Variants in DPEP2 observed in about 807,000 individuals in gnomAD.
The protein encoded by DPEP2 is dipeptidase 2.
In DPEP2, 45 loss-of-function variants were observed where a neutral mutation model predicts 51.8. The ratio of observed to expected loss-of-function variants is 0.87; its 90% CI spans 0.68 to 1.11. The LOEUF is 1.11. Among genes scored for constraint, DPEP2 ranks in the 50% most tolerant of loss-of-function variants. The probability of loss-of-function intolerance (pLI) is 0.00; values close to 1 mark genes in which losing one functional copy is unlikely to be tolerated. For synonymous variants in DPEP2, 255 were observed against 262.7 expected, an observed-to-expected ratio of 0.97 and a Z score of 0.28; for missense variants, 604 against 631.9, an observed-to-expected ratio of 0.96 and a Z score of 0.47.
chr16:67,987,556 G>A lies in DPEP2; in HGVS notation c.1411C>T (p.Pro471Ser). The A allele has an allele frequency of 6.2e-7, 1 of 1,614,200 alleles. No homozygotes were observed. The highest frequency in any genetic ancestry group is 8.5e-7 in the Non-Finnish European group (1 of 1,180,042). Residue 471 changes from proline to serine, a missense_variant, in exon 11 of 11, where the codon CCA (proline) becomes TCA (serine). Transcript: ENST00000393847. ...AAGGTGGCCACAACTGCAAGGACTGGGGCCATGTGGGGGGAGGACTCTGAG... is the reference window on the plus strand; with the variant it reads ...AAGGTGGCCACAACTGCAAGGACTGAGGCCATGTGGGGGGAGGACTCTGAG... ...SVSESSPHMA[P>S]VLAVVATFPV...
At position 67,993,245 on chromosome 16, in the gene DPEP2, GCAGT is replaced by G. The variant is rs1210741320; in HGVS notation, c.-37_-34del. ...AGGGCCGGGCAGGCAGGCAGGGGTG[GCAGT>G]CAGAGAGCCTGAGAGGGGCGGGCGA... On this transcript the variant is annotated 5_prime_UTR_variant, in exon 2 of 11. An upstream open reading frame in the 5' UTR loses its in-frame stop. Transcript: ENST00000393847. The G allele has an allele frequency of 4.2e-6, 6 of 1,411,768 alleles. No individual in the cohort carries two copies. The highest frequency in any genetic ancestry group is 1.5e-5 in the South Asian group (1 of 64,772). 87.5% of individuals were successfully genotyped at this position (1,411,768 alleles called of 1,614,324 possible). A position where few individuals can be genotyped will look rare whatever the true frequency, so the allele number is the denominator to read the frequency against.
intron 2 of DPEP2, 22 bp downstream of exon 2, chr16:67,992,928 C>A (rs372879356): frequency 1.0e-4 from 166 of 1,598,968 alleles, no homozygotes; most frequent in Non-Finnish European, 1.4e-4. Context: ...GCTCCCATCG[C>A]CCCCTTGCAG....
Position 67,992,492 on chromosome 16 carries a change from C to A in DPEP2, c.390+18G>T. 6.2e-7 allele frequency: 1 copy of A among 1,601,970 alleles called. No homozygotes were observed. The highest frequency in any genetic ancestry group is 1.1e-5 in the South Asian group (1 of 90,152). ...CCCCAGCAGCCATGCTGTGGCACCTCGTGTATCCCTGTGGTACCTGGGCGC... is the reference window on the plus strand; with the variant it reads ...CCCCAGCAGCCATGCTGTGGCACCTAGTGTATCCCTGTGGTACCTGGGCGC... On this transcript the variant is annotated intron_variant, in intron 3 of 10. Transcript: ENST00000393847.
intron 1 of DPEP2, among the ~76,000 whole-genome samples, chr16:67,998,999 G>T (rs1037108975): frequency 2.6e-5 from 4 of 152,154 alleles, no homozygotes; most frequent in Non-Finnish European, 5.9e-5. Context: ...GCAGGATGTG[G>T]GTGGGGCCAG....
rs763983825 is a variant in DPEP2, at chr16:67,990,078, G to T, written c.963C>A (p.Cys321Ter). ...MVSLSMGVIQCNPSANVSTVA... is the reference protein window; with the variant it reads ...MVSLSMGVIQ ...CAGTGGACACATTGGCTGATGGGTT[G>T]CACTGTATTACTCCCATGGACAAAG... is the stretch of plus-strand genomic sequence containing the variant. Residue 321 changes from cysteine (C) to a stop codon, truncating the protein, a stop_gained, in exon 8 of 11, where the codon TGC (cysteine) becomes TGA (stop). Coordinates refer to ENST00000393847, the MANE Select transcript of DPEP2 (RefSeq NM_022355.4). LOFTEE classifies it high-confidence loss of function. The T allele has an allele frequency of 6.2e-7, 1 of 1,614,088 alleles. No homozygotes were observed. The highest frequency in any genetic ancestry group is 1.3e-5 in the African/African-American group (1 of 74,934).
rs1003206502 is a variant in DPEP2, at chr16:67,987,906, C to T, written c.1152G>A (p.Glu384=). ...GGTTTCCACGAAGGACACCCTGAAG[C>T]TCTTCCTCACTCCAGCCACGACTCA... ...ELLSRGWSEE[E]LQGVLRGNLL... The change falls in exon 10 of 11, where the codon GAG becomes GAA. Residue 384 remains glutamate, a synonymous_variant. Transcript: ENST00000393847. 1.2e-6 allele frequency: 2 copies of T among 1,614,212 alleles called. No homozygotes were observed. The highest frequency in any genetic ancestry group is 1.7e-6 in the Non-Finnish European group (2 of 1,180,036).
intron 1 of DPEP2, among the ~76,000 whole-genome samples, chr16:67,996,172 G>A (rs941422534): frequency 6.6e-6 from 1 of 151,182 alleles, no homozygotes; most frequent in African/African-American, 2.4e-5. Flanking sequence ...CCGAGTCTGG[G>A]ACTACAGGTA....
intron 7 of DPEP2, 61 bp downstream of exon 7, chr16:67,990,760 G>C: frequency 2.6e-6 from 4 of 1,555,888 alleles, no homozygotes; most frequent in Non-Finnish European, 3.5e-6. Flanking sequence ...CACCATGCCT[G>C]GCCGAAGGGC....
In DPEP2 at chr16:67,990,089, C is replaced by T. The variant is rs201800946; in HGVS notation, c.952G>A (p.Val318Ile). Reference protein sequence around the residue: ...GVVMVSLSMGVIQCNPSANVS... With the variant: ...GVVMVSLSMGIIQCNPSANVS... ...TTGGCTGATGGGTTGCACTGTATTA[C>T]TCCCATGGACAAAGACACCATCACG... is the stretch of plus-strand genomic sequence containing the variant. Residue 318 changes from valine to isoleucine, a missense_variant, in exon 8 of 11, where the codon GTA becomes ATA. Coordinates refer to ENST00000393847, the MANE Select transcript of DPEP2 (RefSeq NM_022355.4). The T allele has an allele frequency of 1.9e-6, 3 of 1,614,198 alleles. No individual in the cohort carries two copies. In the African/African-American group the frequency reaches 4.0e-5, roughly 22 times the overall value.
At chr16:67,997,115 C>T (rs1422090453) in intron 1 of DPEP2, among the ~76,000 whole-genome samples, 1 of 150,844 alleles carries the variant, frequency 6.6e-6, no homozygotes, top group Non-Finnish European at 1.5e-5. Flanking sequence ...TCACTGCAAT[C>T]TCTGCCTCCT....
chr16:67,987,565 G>C lies in DPEP2; in HGVS notation c.1402C>G (p.His468Asp), dbSNP rs1133090. The C allele has an allele frequency of 0.047, 75,563 of 1,614,076 alleles. 2,400 individuals carry two copies. The highest frequency in any genetic ancestry group is 0.15 in the African/African-American group (10,976 of 74,978). Residue 468 changes from histidine (H) to aspartate (D), a missense_variant, in exon 11 of 11, where the codon CAC becomes GAC. Transcript: ENST00000393847. ...AKWSVSESSP[H>D]MAPVLAVVAT... ...ACAACTGCAAGGACTGGGGCCATGT[G>C]GGGGGAGGACTCTGAGACTGACCAC...
Position 67,993,173 on chromosome 16 carries a change from G to T in DPEP2, c.40C>A (p.Arg14=). 1 of 1,502,102 alleles carries T rather than the reference G, an allele frequency of 6.7e-7. No individual in the cohort carries two copies. The highest frequency in any genetic ancestry group is 1.3e-5 in the South Asian group (1 of 76,940). 93.0% of individuals were successfully genotyped at this position (1,502,102 alleles called of 1,614,324 possible). A position where few individuals can be genotyped will look rare whatever the true frequency, so the allele number is the denominator to read the frequency against. Residue 14 remains arginine (R), a synonymous_variant, in exon 2 of 11, where the codon CGG becomes AGG. Coordinates refer to ENST00000393847, the MANE Select transcript of DPEP2 (RefSeq NM_022355.4). ...AGCAGCAGACTCAGCAGAGGCCACC[G>T]ACCAAACGTGCCGGGACCCTCGAGG... ...SGLEGPGTFG[R]WPLLSLLLLL...
chr16:67,988,648 G>C (rs535826795), intron 9 of DPEP2, among the ~76,000 whole-genome samples: 1 of 151,132 alleles, frequency 6.6e-6, no homozygotes, highest in Admixed American at 6.6e-5. Flanking sequence ...GGCCCAGTGA[G>C]GTGGCTTAGG....
intron 1 of DPEP2, among the ~76,000 whole-genome samples, chr16:67,997,440 T>G (rs2032766175): frequency 6.6e-6 from 1 of 152,036 alleles, no homozygotes; most frequent in Non-Finnish European, 1.5e-5. Context: ...CACTGCAAGC[T>G]CCGCCTCCCG....
chr16:67,991,597 C>G lies in DPEP2; in HGVS notation c.662+241G>C, dbSNP rs533101631. 1.9e-3 allele frequency: 1,094 copies of G among 578,350 alleles called. 2 individuals carry two copies. Among genetic ancestry groups the G allele is most frequent in the Non-Finnish European group, 2.9e-3 (982 of 337,820 alleles). The allele number at this position is 578,350 out of a possible 1,614,324, so 35.8% of individuals were successfully genotyped here. ...TTCACCATCTTGGCCAGGCTGGTCT[C>G]GAACTCCTGGCCTTAAGTTATCTGT... On this transcript the variant is annotated intron_variant, in intron 5 of 10. Transcript: ENST00000393847. This position sits in a 1 kb window ranked among gnomAD's most constrained non-coding sequence, Gnocchi z 5.1.
chr16:67,998,915 T>C (rs2032866101), intron 1 of DPEP2, among the ~76,000 whole-genome samples: 1 of 151,988 alleles, frequency 6.6e-6, no homozygotes, highest in African/African-American at 2.4e-5. Context: ...TGGAGAACCT[T>C]TGTGTCTAGC....
Position 67,988,002 on chromosome 16 carries a change from G to A in DPEP2, c.1071-15C>T, listed in dbSNP as rs578078148. On this transcript the variant is annotated splice_polypyrimidine_tract_variant and intron_variant, in intron 9 of 10. Coordinates refer to ENST00000393847, the MANE Select transcript of DPEP2 (RefSeq NM_022355.4). Reference sequence around the variant, plus strand: ...CCTGAGGGAATCTGTGTGGCCACCAGCTAGTGGGTTTCAGACCTGATTCCC... The same window carrying A: ...CCTGAGGGAATCTGTGTGGCCACCAACTAGTGGGTTTCAGACCTGATTCCC... The A allele has an allele frequency of 6.2e-7, 1 of 1,614,120 alleles. No individual in the cohort carries two copies. The highest frequency in any genetic ancestry group is 1.3e-5 in the African/African-American group (1 of 75,044).
chr16:67,990,229 G>T, intron 7 of DPEP2, 98 bp from the exon 8 acceptor site: 2 of 1,130,224 alleles, frequency 1.8e-6, no homozygotes, highest in South Asian at 1.3e-5. Context: ...GTTCAGCTCT[G>T]ACTTCAGGAG....
intron 8 of DPEP2, 96 bp from the exon 9 acceptor site, chr16:67,989,494 G>T: frequency 2.3e-6 from 3 of 1,324,904 alleles, no homozygotes; most frequent in Non-Finnish European, 2.2e-6. Flanking sequence ...CTTGCAGCCT[G>T]TGGGCCAGGC....
Sources: gnomAD v4.1 joint callset for allele counts (sites outside exome capture counted in the v4.1 genomes callset) on GRCh38, gnomAD v4.1.1 for gene constraint, Gnocchi (gnomAD v3.1) non-coding constraint, MANE v1.5 for transcripts, NCBI Gene and HGNC (gene_info 2026-07-23, HGNC 2026-07-21) for gene names.